Variants in GALNT17 observed in about 807,000 individuals in gnomAD.
GALNT17 encodes the protein UDP-GalNAc:polypeptide N-acetylgalactosaminyltransferase-like 3.
GALNT17 carries 29 observed loss-of-function variants against 63.7 expected under a neutral mutation model. The observed-to-expected ratio is 0.46, with a 90% CI of 0.34 to 0.62. The LOEUF (loss-of-function observed/expected upper bound fraction) is 0.62. Ranked by LOEUF, GALNT17 falls within the 20% of genes least tolerant of loss-of-function variation. GALNT17 has a pLI of 0.01. For missense variants in GALNT17, 603 were observed against 799.6 expected (o/e 0.75, Z 2.97); for synonymous variants, 305 against 318.3 (o/e 0.96, Z 0.45).
intron 1 of GALNT17, among the ~76,000 whole-genome samples, chr7:71,141,430 T>G (rs1446553532): frequency 6.6e-6 from 1 of 152,014 alleles, no homozygotes; most frequent in Non-Finnish European, 1.5e-5. Context: ...CACTGTCACT[T>G]ATTACCTCTG....
intron 1 of GALNT17, among the ~76,000 whole-genome samples, chr7:71,253,144 T>C (rs570217550): frequency 6.6e-6 from 1 of 152,354 alleles, no homozygotes; most frequent in Non-Finnish European, 1.5e-5. Flanking sequence ...GTACCTCTTT[T>C]ATCTACTTCA....
chr7:71,595,853 G>A (rs1272797499), intron 6 of GALNT17, among the ~76,000 whole-genome samples: 1 of 152,100 alleles, frequency 6.6e-6, no homozygotes, highest in African/African-American at 2.4e-5. Context: ...GAAGATTGTG[G>A]GGGATGAGAT....
intron 5 of GALNT17, among the ~76,000 whole-genome samples, chr7:71,540,080 C>G (rs1233068021): frequency 1.5e-5 from 2 of 134,006 alleles, no homozygotes; most frequent in East Asian, 4.4e-4. Flanking sequence ...AGTTGTGAGC[C>G]ACTGTGCCTG....
intron 1 of GALNT17, among the ~76,000 whole-genome samples, chr7:71,262,934 G>C (rs1049306063): frequency 3.3e-5 from 5 of 151,906 alleles, no homozygotes; most frequent in African/African-American, 1.2e-4. Context: ...ACCCACCTCA[G>C]CCTCCCAAAG....
intron 1 of GALNT17, among the ~76,000 whole-genome samples, chr7:71,192,144 T>C (rs1467132697): frequency 6.6e-6 from 1 of 152,144 alleles, no homozygotes; most frequent in East Asian, 1.9e-4. Context: ...GAGAGAAAGA[T>C]GAAGGCCGGA....
At chr7:71,339,570 G>T (rs183511975) in intron 2 of GALNT17, among the ~76,000 whole-genome samples, 93 of 152,164 alleles carry the variant, frequency 6.1e-4, no homozygotes, top group African/African-American at 2.2e-3. Context: ...CACGCCTGTG[G>T]TCCCAGCTAC....
chr7:71,158,723 C>T (rs1315020979), intron 1 of GALNT17, among the ~76,000 whole-genome samples: 1 of 150,904 alleles, frequency 6.6e-6, no homozygotes, highest in African/African-American at 2.5e-5. Flanking sequence ...ACTACAGGCG[C>T]CTGCCACCAC....
chr7:71,133,146 C>T (rs6976185), intron 1 of GALNT17, 106 bp downstream of exon 1: 957,329 of 1,002,142 alleles, frequency 0.96, 457,476 homozygotes, highest in East Asian at 1. Flanking sequence ...AGCCGGCACA[C>T]CCTGGCTCCC....
intron 1 of GALNT17, among the ~76,000 whole-genome samples, chr7:71,199,513 CCCATCCATTCATCCATCCAT>C (rs1347479615): frequency 8.0e-5 from 12 of 149,472 alleles, no homozygotes; most frequent in African/African-American, 3.0e-4. Flanking sequence ...ATCCACTAAC[CCCATCCATTCATCCATCCAT>C]CCATCCATCC....
At chr7:71,682,812 C>G (rs1175294005) in intron 9 of GALNT17, among the ~76,000 whole-genome samples, 1 of 152,116 alleles carries the variant, frequency 6.6e-6, no homozygotes, top group Admixed American at 6.6e-5. Context: ...AGGCAATTTT[C>G]TCACCTCCGC....
At chr7:71,203,600 C>G (rs1789215851) in intron 1 of GALNT17, among the ~76,000 whole-genome samples, 1 of 152,148 alleles carries the variant, frequency 6.6e-6, no homozygotes, top group Admixed American at 6.5e-5. Context: ...AAAGAAATAC[C>G]TGAGACTGGG....
At chr7:71,510,747 G>A (rs1788342700) in intron 5 of GALNT17, among the ~76,000 whole-genome samples, 1 of 152,120 alleles carries the variant, frequency 6.6e-6, no homozygotes, top group Non-Finnish European at 1.5e-5. Flanking sequence ...CTCCAGGGAG[G>A]CTGTTATGAA....
At chr7:71,378,429 T>G (rs1792784445) in intron 2 of GALNT17, among the ~76,000 whole-genome samples, 1 of 152,062 alleles carries the variant, frequency 6.6e-6, no homozygotes, top group Non-Finnish European at 1.5e-5. Context: ...AAGGGAAAAT[T>G]GGGCTGGTTA....
chr7:71,662,029 T>C (rs1446866976), intron 6 of GALNT17, among the ~76,000 whole-genome samples: 2 of 152,128 alleles, frequency 1.3e-5, no homozygotes, highest in African/African-American at 4.8e-5. Flanking sequence ...TACATCCACT[T>C]GAACCCTCTT....
chr7:71,678,935 C>T (rs1204726482), intron 9 of GALNT17, among the ~76,000 whole-genome samples: 5 of 135,798 alleles, frequency 3.7e-5, no homozygotes, highest in Admixed American at 8.6e-5. Flanking sequence ...AGAGCCTGGG[C>T]GACAGAGCGA....
chr7:71,677,096 G>T, intron 8 of GALNT17, 115 bp from the exon 9 acceptor site: 1 of 994,108 alleles, frequency 1.0e-6, no homozygotes. Context: ...TCACTTAGAG[G>T]CTCGTGTTGT....
intron 1 of GALNT17, among the ~76,000 whole-genome samples, chr7:71,243,466 G>GTA (rs1354783807): frequency 2.0e-5 from 3 of 152,146 alleles, no homozygotes; most frequent in Non-Finnish European, 2.9e-5. Flanking sequence ...GCTTTATGAT[G>GTA]TATAACATGT....
chr7:71,587,785 A>C (rs1789740928), intron 6 of GALNT17, among the ~76,000 whole-genome samples: 1 of 152,218 alleles, frequency 6.6e-6, no homozygotes, highest in Non-Finnish European at 1.5e-5. Flanking sequence ...CAAAGTATTA[A>C]AAAATGAATA....
At chr7:71,409,622 A>G (rs1793395698) in intron 3 of GALNT17, among the ~76,000 whole-genome samples, 2 of 152,204 alleles carry the variant, frequency 1.3e-5, no homozygotes, top group South Asian at 4.1e-4. Flanking sequence ...GCCACTTCCC[A>G]AGTACACATA....
Sources: gnomAD v4.1 joint callset for allele counts (sites outside exome capture counted in the v4.1 genomes callset) on GRCh38, gnomAD v4.1.1 for gene constraint, MANE v1.5 for transcripts, NCBI Gene and HGNC (gene_info 2026-07-23, HGNC 2026-07-21) for gene names.